The following GABRG1 variants were observed in gnomAD, a reference collection of about 807,000 sequenced individuals.
GABRG1 encodes gamma-aminobutyric acid receptor subunit gamma-1.
Under a neutral mutation model 49.8 loss-of-function variants are expected in GABRG1, and 49 were observed. That is an observed-to-expected ratio of 0.98 (90% CI 0.78 to 1.25). The LOEUF (loss-of-function observed/expected upper bound fraction) is 1.25, where lower values mean the gene tolerates loss of function less well. GABRG1 is among the 50% of genes most tolerant of loss of function. GABRG1 has a pLI of 0.00. For synonymous variants in GABRG1, 232 were observed against 185.1 expected (o/e 1.25, Z -2.06); for missense variants, 552 against 552.3 (o/e 1.00, Z 0.01).
At chr4:46,073,908 A>T (rs1719229814) in intron 3 of GABRG1, among the ~76,000 whole-genome samples, 1 of 152,122 alleles carries the variant, frequency 6.6e-6, no homozygotes, top group South Asian at 2.1e-4. Context: ...TTTTTGGATC[A>T]TTGTTGACCA....
chr4:46,122,561 C>T (rs948851052), intron 1 of GABRG1, among the ~76,000 whole-genome samples: 2 of 151,906 alleles, frequency 1.3e-5, no homozygotes, highest in African/African-American at 4.8e-5. Flanking sequence ...AAACTTCAGT[C>T]CTACAAAAGC....
intron 1 of GABRG1, among the ~76,000 whole-genome samples, chr4:46,113,688 C>CT (rs1419003400): frequency 4.6e-5 from 7 of 151,116 alleles, no homozygotes; most frequent in African/African-American, 1.7e-4. Context: ...CTGTGTATTT[C>CT]TCCCTCCTGA....
chr4:46,051,298 CTTAACTTTGTCTTTGGTTAT>C, intron 8 of GABRG1, 106 bp downstream of exon 8: 2 of 696,672 alleles, frequency 2.9e-6, no homozygotes, highest in Non-Finnish European at 4.7e-6. Flanking sequence ...CCAGTTTCAT[CTTAACTTTGTCTTTGGTTAT>C]GGGTCTCAAG....
chr4:46,082,478 C>T (rs964704111), intron 3 of GABRG1, among the ~76,000 whole-genome samples: 1 of 151,734 alleles, frequency 6.6e-6, no homozygotes, highest in Non-Finnish European at 1.5e-5. Flanking sequence ...ATCACTATCC[C>T]TGCAGGAACC....
intron 1 of GABRG1, among the ~76,000 whole-genome samples, chr4:46,105,831 A>AGATG (rs1309080129): frequency 6.6e-6 from 1 of 150,550 alleles, no homozygotes; most frequent in South Asian, 2.1e-4. Flanking sequence ...ATAGATAGAT[A>AGATG]GATGATAGAT....
In GABRG1 at chr4:46,051,488, T is replaced by C. The variant is rs765006353; in HGVS notation, c.1067A>G (p.Tyr356Cys). 1.9e-6 allele frequency: 3 copies of C among 1,611,026 alleles called. No individual in the cohort carries two copies. The African/African-American group carries it at 4.0e-5, about 22-fold the overall frequency. ...AALMEYGTLH[Y>C]FTSNQKGKTA... ...CTTTCCTTTTTGGTTGCTGGTAAAATAATGCAAGGTTCCATATTCCATCAA... is the reference window on the plus strand; with the variant it reads ...CTTTCCTTTTTGGTTGCTGGTAAAACAATGCAAGGTTCCATATTCCATCAA... Residue 356 changes from tyrosine to cysteine, a missense_variant, in exon 8 of 9, where the codon TAT becomes TGT. Physicochemically the swap from Tyr to Cys is radical, Grantham distance 194 (BLOSUM62 -2). Coordinates refer to ENST00000295452, the MANE Select transcript of GABRG1 (RefSeq NM_173536.4).
intron 3 of GABRG1, among the ~76,000 whole-genome samples, chr4:46,080,770 G>A (rs370701093): frequency 6.6e-6 from 1 of 151,504 alleles, no homozygotes; most frequent in Non-Finnish European, 1.5e-5. Context: ...AACCCCAAAC[G>A]AAAAATATAC....
intron 2 of GABRG1, among the ~76,000 whole-genome samples, chr4:46,096,788 T>C (rs1310340217): frequency 1.3e-5 from 2 of 151,660 alleles, no homozygotes; most frequent in Non-Finnish European, 3.0e-5. Flanking sequence ...TTTGAGATTA[T>C]TCAACATTAT....
intron 1 of GABRG1, among the ~76,000 whole-genome samples, chr4:46,100,106 A>T (rs1037407572): frequency 6.6e-6 from 1 of 151,754 alleles, no homozygotes; most frequent in African/African-American, 2.4e-5. Flanking sequence ...TCATTACAGT[A>T]ATTATTTTGC....
intron 1 of GABRG1, among the ~76,000 whole-genome samples, chr4:46,110,282 T>G (rs950039970): frequency 3.3e-5 from 5 of 151,060 alleles, no homozygotes; most frequent in African/African-American, 1.2e-4. Context: ...CCTTTGTCCA[T>G]TTTTACTGTT....
At chr4:46,121,423 T>A (rs1322012286) in intron 1 of GABRG1, among the ~76,000 whole-genome samples, 1 of 152,018 alleles carries the variant, frequency 6.6e-6, no homozygotes, top group Non-Finnish European at 1.5e-5. Context: ...TTACTTATTT[T>A]AAAAGAATGT....
chr4:46,067,617 T>C (rs1249596776), intron 3 of GABRG1, among the ~76,000 whole-genome samples: 6 of 152,086 alleles, frequency 3.9e-5, no homozygotes, highest in Non-Finnish European at 8.8e-5. Context: ...AAAATTTTAT[T>C]TTTTGCAACT....
intron 8 of GABRG1, among the ~76,000 whole-genome samples, chr4:46,043,555 G>T (rs1157000578): frequency 6.6e-6 from 1 of 151,568 alleles, no homozygotes; most frequent in Admixed American, 6.6e-5. Flanking sequence ...AAATTAATCA[G>T]AAAAATGTAT....
chr4:46,080,381 G>A (rs940899442), intron 3 of GABRG1, among the ~76,000 whole-genome samples: 7 of 151,762 alleles, frequency 4.6e-5, no homozygotes, highest in African/African-American at 1.7e-4. Flanking sequence ...AGTTAAAATA[G>A]TCTTCTACTT....
chr4:46,098,141 C>G (rs1378688906), intron 1 of GABRG1, among the ~76,000 whole-genome samples: 1 of 151,694 alleles, frequency 6.6e-6, no homozygotes, highest in Non-Finnish European at 1.5e-5. Flanking sequence ...ATTGCCTCTC[C>G]AACTATTGCT....
At chr4:46,072,994 C>T (rs1469343122) in intron 3 of GABRG1, among the ~76,000 whole-genome samples, 1 of 151,614 alleles carries the variant, frequency 6.6e-6, no homozygotes, top group Non-Finnish European at 1.5e-5. Flanking sequence ...AGCAATCTGG[C>T]AAAAGAGTAA....
At chr4:46,089,290 A>T (rs1719894339) in intron 2 of GABRG1, among the ~76,000 whole-genome samples, 1 of 152,070 alleles carries the variant, frequency 6.6e-6, no homozygotes, top group Non-Finnish European at 1.5e-5. Context: ...TAACCATAAA[A>T]GTCATTATTT....
chr4:46,063,833 A>G (rs1040710322), intron 5 of GABRG1, among the ~76,000 whole-genome samples: 6 of 152,306 alleles, frequency 3.9e-5, no homozygotes, highest in African/African-American at 1.4e-4. Context: ...CAAATTTACA[A>G]GAAAAAACAA....
intron 3 of GABRG1, among the ~76,000 whole-genome samples, chr4:46,078,201 A>G (rs1182071709): frequency 6.6e-6 from 1 of 151,962 alleles, no homozygotes. Flanking sequence ...GTGTTTCCTA[A>G]AGTACTGCAA....
Sources: allele counts gnomAD v4.1 joint callset (sites outside exome capture counted in the v4.1 genomes callset), GRCh38; gene constraint gnomAD v4.1.1; transcripts MANE v1.5; gene names NCBI Gene and HGNC (gene_info 2026-07-23, HGNC 2026-07-21).